UBTD1: variants seen among roughly 807,000 people sequenced by gnomAD.
UBTD1 encodes the protein ubiquitin domain-containing protein 1.
UBTD1 carries 19 observed loss-of-function variants against 21.7 expected under a neutral mutation model. That is an observed-to-expected ratio of 0.87 (90% confidence interval 0.61 to 1.28). The LOEUF (loss-of-function observed/expected upper bound fraction) is 1.28. Among genes scored for constraint, UBTD1 ranks in the 50% most tolerant of loss-of-function variants. The probability of loss-of-function intolerance (pLI) is 0.00; values close to 1 mark genes in which losing one functional copy is unlikely to be tolerated. For missense variants in UBTD1, 282 were observed against 315.1 expected, an observed-to-expected ratio of 0.89 and a Z score of 0.80; for synonymous variants, 116 against 135.1, an observed-to-expected ratio of 0.86 and a Z score of 0.98.
At chr10:97,552,681 G>A (rs535977759) in intron 1 of UBTD1, among the ~76,000 whole-genome samples, 2 of 152,098 alleles carry the variant, frequency 1.3e-5, no homozygotes, top group Non-Finnish European at 2.9e-5. Context: ...GGGATTACAG[G>A]GGTGAACCAC....
intron 1 of UBTD1, among the ~76,000 whole-genome samples, chr10:97,542,946 C>T (rs2040593183): frequency 6.6e-6 from 1 of 152,276 alleles, no homozygotes; most frequent in Non-Finnish European, 1.5e-5. Context: ...CGGCCTTGGC[C>T]ATATGTTGGA....
chr10:97,529,244 A>C (rs1300776361), intron 1 of UBTD1, among the ~76,000 whole-genome samples: 1 of 133,856 alleles, frequency 7.5e-6, no homozygotes, highest in Admixed American at 7.5e-5. Context: ...CCTAGGTGGG[A>C]TGGCGGCCGG....
At chr10:97,567,592 G>T (rs2040723796) in intron 1 of UBTD1, among the ~76,000 whole-genome samples, 2 of 151,984 alleles carry the variant, frequency 1.3e-5, no homozygotes, top group African/African-American at 2.4e-5. Flanking sequence ...CCGGGAGGCG[G>T]AGGTTGCAGT....
intron 1 of UBTD1, among the ~76,000 whole-genome samples, chr10:97,562,143 T>A (rs1045185746): frequency 1.3e-5 from 2 of 152,152 alleles, no homozygotes; most frequent in African/African-American, 4.8e-5. Context: ...GTGGCTCACG[T>A]CTGTAATCCT....
At chr10:97,550,396 T>C (rs2040631226) in intron 1 of UBTD1, among the ~76,000 whole-genome samples, 1 of 152,180 alleles carries the variant, frequency 6.6e-6, no homozygotes, top group Non-Finnish European at 1.5e-5. Flanking sequence ...AGTGGCTCAC[T>C]TATTCCAGTC....
In UBTD1 at chr10:97,532,658, C is replaced by T. The variant is rs1054751246; in HGVS notation, c.70+33385C>T. Reference sequence around the variant, plus strand: ...TATAAAAATTAGCTGGGCGTGGTGGCGGGCACCTGTAGTCCCAGCTACTTG... The same window carrying T: ...TATAAAAATTAGCTGGGCGTGGTGGTGGGCACCTGTAGTCCCAGCTACTTG... On this transcript the variant is annotated intron_variant, in intron 1 of 2. Transcript: ENST00000370664. 5.9e-5 allele frequency among the ~76,000 whole-genome samples: 9 copies of T among 152,200 alleles called. No individual in the cohort carries two copies. In the South Asian group the frequency reaches 8.3e-4, roughly 14 times the overall value.
chr10:97,554,807 G>C (rs948297483), intron 1 of UBTD1, among the ~76,000 whole-genome samples: 27 of 152,150 alleles, frequency 1.8e-4, no homozygotes, highest in Admixed American at 3.9e-4. Context: ...TTCCACCTCA[G>C]CTTCCCAAAG....
At chr10:97,547,287 T>A (rs1400884175) in intron 1 of UBTD1, among the ~76,000 whole-genome samples, 1 of 152,202 alleles carries the variant, frequency 6.6e-6, no homozygotes, top group Non-Finnish European at 1.5e-5. Flanking sequence ...TGAGAAAACC[T>A]ACCTCCCCTT....
At position 97,555,435 on chromosome 10, in the gene UBTD1, T is replaced by C. The variant is rs558131796; in HGVS notation, c.71-12479T>C. ...TTTGTGGCTCACGTGAGGTGGGGAT[T>C]GGAGTTCATGTTTCCATCATAGTCC... On this transcript the variant is annotated intron_variant, in intron 1 of 2. Transcript: ENST00000370664. 6.6e-5 allele frequency among the ~76,000 whole-genome samples: 10 copies of C among 152,260 alleles called. No individual in the cohort carries two copies. The South Asian group carries it at 2.1e-3, about 32-fold the overall frequency.
chr10:97,539,536 A>G, intron 1 of UBTD1, among the ~76,000 whole-genome samples: 1 of 151,970 alleles, frequency 6.6e-6, no homozygotes, highest in East Asian at 1.9e-4. Flanking sequence ...TGGAGGCTGC[A>G]GTGAGCTGTG....
In UBTD1 at chr10:97,570,469, G is replaced by C. The variant is rs763702259; in HGVS notation, c.630G>C (p.Gln210His). The stretch of plus-strand genomic sequence containing the variant: ...CACGGCTCCAGGAGACCAAGATCCA[G>C]AAAGATTTTGTCATCCAGGTCATCA... ...DRTRLQETKI[Q>H]KDFVIQVIIN... Residue 210 changes from glutamine to histidine, a missense_variant, in exon 3 of 3, where the codon CAG becomes CAC. Transcript: ENST00000370664. This position sits in a 1 kb window ranked among gnomAD's most constrained non-coding sequence, Gnocchi z 6.6. 24 of 1,612,058 alleles carry C rather than the reference G, an allele frequency of 1.5e-5. 2 individuals carry two copies. The South Asian group carries it at 2.2e-4, about 15-fold the overall frequency.
intron 1 of UBTD1, among the ~76,000 whole-genome samples, chr10:97,558,150 C>G (rs1414267760): frequency 6.6e-6 from 1 of 151,978 alleles, no homozygotes; most frequent in Admixed American, 6.6e-5. Flanking sequence ...TCCCAGTCTA[C>G]TGATGTTTAA....
Position 97,540,550 on chromosome 10 carries a change from A to G in UBTD1, c.71-27364A>G, listed in dbSNP as rs544263836. 2.0e-5 allele frequency among the ~76,000 whole-genome samples: 3 copies of G among 152,348 alleles called. No homozygotes were observed. In the South Asian group the frequency reaches 6.2e-4, roughly 32 times the overall value. ...AATGTTAGCAGTTCTTGTTCATGTC[A>G]TTCTTATTACCGTAGTGCTTGTGCT... On this transcript the variant is annotated intron_variant, in intron 1 of 2. Transcript: ENST00000370664.
intron 1 of UBTD1, among the ~76,000 whole-genome samples, chr10:97,562,197 A>G (rs2135687220): frequency 6.6e-6 from 1 of 152,290 alleles, no homozygotes; most frequent in Admixed American, 6.5e-5. Context: ...TGAGGTCATG[A>G]GTTCGAGACC....
chr10:97,563,516 T>C (rs974401816), intron 1 of UBTD1, among the ~76,000 whole-genome samples: 1 of 151,952 alleles, frequency 6.6e-6, no homozygotes, highest in Non-Finnish European at 1.5e-5. Context: ...AGAGAGTGAC[T>C]GGAGAATGGG....
Position 97,516,556 on chromosome 10 carries a change from A to C in UBTD1, c.70+17283A>C, listed in dbSNP as rs1479460115. ...TTTGGGAGGCTGAGGCGGGTGGATCACTAGGTCAGGAGATCAAGACCATCC... is the reference window on the plus strand; with the variant it reads ...TTTGGGAGGCTGAGGCGGGTGGATCCCTAGGTCAGGAGATCAAGACCATCC... On this transcript the variant is annotated intron_variant, in intron 1 of 2. Coordinates refer to ENST00000370664, the MANE Select transcript of UBTD1 (RefSeq NM_024954.5). Among the ~76,000 whole-genome samples the C allele has an allele frequency of 1.6e-4, 25 of 151,600 alleles. 1 individual carries two copies. The highest frequency in any genetic ancestry group is 1.2e-3 in the Admixed American group (19 of 15,208).
chr10:97,501,152 A>G lies in UBTD1; in HGVS notation c.70+1879A>G, dbSNP rs572391586. ...TTTGTACCCTTCTCACCTCAAGTCA[A>G]CCCTTGTCTCAGGCTGAAGTGAGGT... On this transcript the variant is annotated intron_variant, in intron 1 of 2. Coordinates refer to ENST00000370664, the MANE Select transcript of UBTD1 (RefSeq NM_024954.5). 6.4e-4 allele frequency among the ~76,000 whole-genome samples: 97 copies of G among 152,226 alleles called. 1 individual carries two copies. The highest frequency in any genetic ancestry group is 3.4e-3 in the Middle Eastern group (1 of 294).
chr10:97,506,519 G>C (rs550345387), intron 1 of UBTD1, among the ~76,000 whole-genome samples: 1 of 150,776 alleles, frequency 6.6e-6, no homozygotes, highest in East Asian at 1.9e-4. Flanking sequence ...AAATTTACTT[G>C]TATGTAACAG....
intron 1 of UBTD1, among the ~76,000 whole-genome samples, chr10:97,501,781 G>A (rs1488847174): frequency 6.6e-6 from 1 of 152,072 alleles, no homozygotes; most frequent in Non-Finnish European, 1.5e-5. Context: ...CTTATCGAGA[G>A]TCTTTCATCC....
Sources: allele counts gnomAD v4.1 joint callset (sites outside exome capture counted in the v4.1 genomes callset), GRCh38; gene constraint gnomAD v4.1.1; non-coding constraint Gnocchi (gnomAD v3.1); transcripts MANE v1.5; gene names NCBI Gene and HGNC (gene_info 2026-07-23, HGNC 2026-07-21).